RASAL1: variants seen among roughly 807,000 people sequenced by gnomAD.
RASAL1 encodes the protein rasGAP-activating-like protein 1.
RASAL1 carries 72 observed loss-of-function variants against 96.6 expected under a neutral mutation model. That is an observed-to-expected ratio of 0.75 (90% CI 0.62 to 0.91). RASAL1 has a LOEUF of 0.91. Among genes scored for constraint, RASAL1 ranks in the 40% least tolerant of loss-of-function variants. RASAL1 has a pLI of 0.00. For missense variants in RASAL1, 1,016 were observed against 1,072.5 expected (o/e 0.95, Z 0.74); for synonymous variants, 405 against 430.4 (o/e 0.94, Z 0.73).
At chr12:113,119,064 C>T in intron 7 of RASAL1, 64 bp downstream of exon 7, 1 of 1,512,280 alleles carries the variant, frequency 6.6e-7, no homozygotes, top group Non-Finnish European at 8.9e-7. Context: ...CAGCCCGTCT[C>T]ATCTTTCTTC....
rs756418178 is a variant in RASAL1 at position 113,119,456 on chromosome 12, G to C, written c.429-13C>G. 3 of 1,595,540 alleles carry C rather than the reference G, an allele frequency of 1.9e-6. No individual in the cohort carries two copies. The highest frequency in any genetic ancestry group is 1.7e-5 in the Admixed American group (1 of 58,442). On this transcript the variant is annotated splice_polypyrimidine_tract_variant and intron_variant, in intron 5 of 20. Coordinates refer to ENST00000548055, the MANE Select transcript of RASAL1 (RefSeq NM_001301202.2). The stretch of plus-strand genomic sequence containing the variant: ...GGGAGCCAGGTCCCTGGGAACAGAT[G>C]GGGAAAGGAGTGAGGAAACACGGCA...
At chr12:113,132,602 C>T (rs1005372748) in intron 1 of RASAL1, among the ~76,000 whole-genome samples, 6 of 152,182 alleles carry the variant, frequency 3.9e-5, no homozygotes, top group African/African-American at 1.4e-4. Flanking sequence ...TTCTGTCTCT[C>T]CAGTTTGTAT....
In RASAL1 at chr12:113,112,172, C is replaced by CG. The variant is rs780606160; in HGVS notation, c.1287dup (p.Val430ArgfsTer56). ...CGCATGGCGGGCGGGCAGCGCCCCA[C>CG]GGAGCCCACGATGGCGTCCACGATG... On this transcript the variant is annotated frameshift_variant, in exon 13 of 21. Coordinates refer to ENST00000548055, the MANE Select transcript of RASAL1 (RefSeq NM_001301202.2). LOFTEE classifies it high-confidence loss of function. The CG allele has an allele frequency of 1.3e-4, 166 of 1,255,626 alleles. 1 individual carries two copies. Among genetic ancestry groups the CG allele is most frequent in the Non-Finnish European group, 1.7e-4 (165 of 992,374 alleles). The allele number at this position is 1,255,626 out of a possible 1,614,324, so 77.8% of individuals were successfully genotyped here.
chr12:113,109,047 T>G lies in RASAL1; in HGVS notation c.1375-825A>C, dbSNP rs561416528. Among the ~76,000 whole-genome samples the G allele has an allele frequency of 2.8e-3, 318 of 115,526 alleles. 2 individuals carry two copies. Among genetic ancestry groups the G allele is most frequent in the African/African-American group, 8.2e-3 (289 of 35,308 alleles). The allele number at this position is 115,526 out of a possible 152,430, so 75.8% of individuals were successfully genotyped here. On this transcript the variant is annotated intron_variant, in intron 13 of 20. Transcript: ENST00000548055. ...TTTTTAGGTTTTTTTGTGTGTGTTT[T>G]TTTTTTTTTTTTTAGTAGAGATGGG...
chr12:113,122,206 G>A (rs1311582051), intron 4 of RASAL1, among the ~76,000 whole-genome samples: 5 of 152,176 alleles, frequency 3.3e-5, no homozygotes, highest in Admixed American at 6.5e-5. Flanking sequence ...GCCAATGCTC[G>A]TAGCCATGTG....
chr12:113,104,211 C>T lies in RASAL1; in HGVS notation c.1918G>A (p.Val640Met), dbSNP rs1470639894. The change falls in exon 17 of 21, where the codon GTG becomes ATG. Residue 640 changes from valine (V) to methionine (M), a missense_variant. Coordinates refer to ENST00000548055, the MANE Select transcript of RASAL1 (RefSeq NM_001301202.2). Reference sequence around the variant, plus strand: ...AGCGCCCCCGTGCCGTCCTGCGTCACCACCTGCATCACGTGGGGCAGTTGG... The same window carrying T: ...AGCGCCCCCGTGCCGTCCTGCGTCATCACCTGCATCACGTGGGGCAGTTGG... ...AFQLPHVMQV[V>M]TQDGTGALHT... The T allele has an allele frequency of 6.2e-7, 1 of 1,611,140 alleles. No individual in the cohort carries two copies. Among genetic ancestry groups the T allele is most frequent in the Non-Finnish European group, 8.5e-7 (1 of 1,179,022 alleles).
chr12:113,107,049 T>C (rs1277430450), intron 15 of RASAL1, 48 bp downstream of exon 15: 7 of 1,561,822 alleles, frequency 4.5e-6, no homozygotes, highest in Non-Finnish European at 6.1e-6. Flanking sequence ...CTGAGTGGTG[T>C]CTCAACTGGG....
chr12:113,130,559 C>T lies in RASAL1; in HGVS notation c.122+326G>A, dbSNP rs1397147542. Reference sequence around the variant, plus strand: ...CACGCGCACAGACATCCCCAGTGCCCGCAGCACCCGGCAGGCCCGGAACCA... The same window carrying T: ...CACGCGCACAGACATCCCCAGTGCCTGCAGCACCCGGCAGGCCCGGAACCA... On this transcript the variant is annotated intron_variant, in intron 2 of 20. Transcript: ENST00000548055. This position sits in a 1 kb window ranked among gnomAD's most constrained non-coding sequence, Gnocchi z 5.1. Among the ~76,000 whole-genome samples, 3 of 152,160 alleles carry T rather than the reference C, an allele frequency of 2.0e-5. No homozygotes were observed. Among genetic ancestry groups the T allele is most frequent in the African/African-American group, 7.2e-5 (3 of 41,444 alleles).
chr12:113,104,091 G>T lies in RASAL1; in HGVS notation c.1969-10C>A, dbSNP rs368169508. 6.3e-7 allele frequency: 1 copy of T among 1,577,114 alleles called. No homozygotes were observed. Among genetic ancestry groups the T allele is most frequent in the Non-Finnish European group, 8.7e-7 (1 of 1,155,412 alleles). On this transcript the variant is annotated splice_polypyrimidine_tract_variant and intron_variant, in intron 17 of 20. Transcript: ENST00000548055. ...TGAGCTCATTCACATTCTGCAGCGG[G>T]TGGGAGGCGATCAGGGGGCGGGTGG...
intron 5 of RASAL1, 138 bp from the exon 6 acceptor site, chr12:113,119,581 A>C (rs1592935460): frequency 2.5e-6 from 2 of 815,150 alleles, no homozygotes; most frequent in South Asian, 1.6e-5. Context: ...AGCTAGGGAC[A>C]CCCCTAACCA....
chr12:113,134,080 A>T (rs1031776426), intron 1 of RASAL1, among the ~76,000 whole-genome samples: 3 of 152,214 alleles, frequency 2.0e-5, no homozygotes, highest in Non-Finnish European at 4.4e-5. Flanking sequence ...GCCTGGCCTC[A>T]ATGCCCTAAC....
intron 12 of RASAL1, 102 bp from the exon 13 acceptor site, chr12:113,112,380 C>A (rs1280788448): frequency 1.1e-6 from 1 of 929,376 alleles, no homozygotes; most frequent in African/African-American, 1.7e-5. Flanking sequence ...ATCTTCCCTC[C>A]ACGTCCGCAG....
At chr12:113,120,635 G>A (rs899977801) in intron 5 of RASAL1, among the ~76,000 whole-genome samples, 20 of 152,086 alleles carry the variant, frequency 1.3e-4, no homozygotes, top group Non-Finnish European at 1.9e-4. Flanking sequence ...GGTATTTGAG[G>A]GAGCAAAATG....
intron 4 of RASAL1, among the ~76,000 whole-genome samples, chr12:113,123,140 A>T (rs1444598459): frequency 6.6e-6 from 1 of 152,164 alleles, no homozygotes; most frequent in African/African-American, 2.4e-5. Flanking sequence ...TATTGCTGTT[A>T]TTGCAGACCT....
In RASAL1 at chr12:113,105,783, A is replaced by C. The variant is rs1566038397; in HGVS notation, c.1761T>G (p.Phe587Leu). Residue 587 changes from phenylalanine to leucine, a missense_variant, in exon 16 of 21, where the codon TTT becomes TTG. Transcript: ENST00000548055. ...KEEPAGLATRFAFKKRYVWLS... is the reference protein window; with the variant it reads ...KEEPAGLATRLAFKKRYVWLS... The stretch of plus-strand genomic sequence containing the variant: ...GCCAGACGTAGCGCTTCTTGAAGGC[A>C]AAGCGCGTGGCCAGGCCGGCAGGCT... 1 of 1,614,160 alleles carries C rather than the reference A, an allele frequency of 6.2e-7. No individual in the cohort carries two copies. Among genetic ancestry groups the C allele is most frequent in the Middle Eastern group, 1.7e-4 (1 of 6,060 alleles).
Position 113,115,821 on chromosome 12 carries a change from G to GC in RASAL1, c.850-34dup. 3.7e-6 allele frequency: 6 copies of GC among 1,612,346 alleles called. No individual in the cohort carries two copies. Among genetic ancestry groups the GC allele is most frequent in the Non-Finnish European group, 4.2e-6 (5 of 1,179,000 alleles). On this transcript the variant is annotated intron_variant, in intron 9 of 20. Transcript: ENST00000548055. The surrounding 1 kb of genome is among the most constrained non-coding windows in gnomAD (Gnocchi z 4.1). ...GGGGCGGGAGACAAAGATGACCTCG[G>GC]CCCCTGGGACCCCAAAGCAGATGGG...
Position 113,100,684 on chromosome 12 carries a change from G to C in RASAL1, c.2226-4C>G, listed in dbSNP as rs1176031034. 1.2e-6 allele frequency: 2 copies of C among 1,608,032 alleles called. No individual in the cohort carries two copies. Among genetic ancestry groups the C allele is most frequent in the African/African-American group, 2.7e-5 (2 of 74,774 alleles). Reference sequence around the variant, plus strand: ...AGAATCCTCCAGTAATTTCAGCCTGGAAGGTAAGAGGGAGAAAGACAAGTC... The same window carrying C: ...AGAATCCTCCAGTAATTTCAGCCTGCAAGGTAAGAGGGAGAAAGACAAGTC... On this transcript the variant is annotated splice_region_variant and splice_polypyrimidine_tract_variant and intron_variant, in intron 19 of 20. Transcript: ENST00000548055.
chr12:113,099,811 G>C lies in RASAL1; in HGVS notation c.*118C>G. On this transcript the variant is annotated 3_prime_UTR_variant, in exon 21 of 21. Transcript: ENST00000548055. The stretch of plus-strand genomic sequence containing the variant: ...CACACAGGACTAGGCACGTCTCTGG[G>C]AGCCTCCAAACCACAGAATCAAAGA... 1 of 1,421,278 alleles carries C rather than the reference G, an allele frequency of 7.0e-7. No individual in the cohort carries two copies. The highest frequency in any genetic ancestry group is 9.5e-7 in the Non-Finnish European group (1 of 1,053,322). 88.0% of individuals were successfully genotyped at this position (1,421,278 alleles called of 1,614,324 possible).
intron 14 of RASAL1, 51 bp downstream of exon 14, chr12:113,108,033 GC>G: frequency 3.2e-6 from 5 of 1,563,270 alleles, no homozygotes; most frequent in Non-Finnish European, 3.5e-6. Context: ...CTCCTACCAT[GC>G]TTTTTTCCCT....
Sources: gnomAD v4.1 joint callset for allele counts (sites outside exome capture counted in the v4.1 genomes callset) on GRCh38, gnomAD v4.1.1 for gene constraint, Gnocchi (gnomAD v3.1) non-coding constraint, MANE v1.5 for transcripts, NCBI Gene and HGNC (gene_info 2026-07-23, HGNC 2026-07-21) for gene names.